Variants in ZRANB3 observed in about 807,000 individuals in gnomAD.
ZRANB3 encodes the protein zinc finger RANBP2-type containing 3.
In ZRANB3, 125 loss-of-function variants were observed where a neutral mutation model predicts 133.8. That is an observed-to-expected ratio of 0.93 (90% confidence interval 0.81 to 1.08). The LOEUF is 1.08. ZRANB3 is among the 50% of genes least tolerant of loss of function. The pLI, the probability that ZRANB3 is intolerant of heterozygous loss-of-function variation, is 0.00. For synonymous variants in ZRANB3, 387 were observed against 432.7 expected, an observed-to-expected ratio of 0.89 and a Z score of 1.31; for missense variants, 1,229 against 1,275.5, an observed-to-expected ratio of 0.96 and a Z score of 0.56.
intron 3 of ZRANB3, among the ~76,000 whole-genome samples, chr2:135,382,625 G>A (rs1023396681): frequency 2.0e-5 from 3 of 152,346 alleles, no homozygotes; most frequent in Middle Eastern, 3.4e-3. Flanking sequence ...AAGCCCATCA[G>A]ACTAACGGCG....
chr2:135,386,083 A>T (rs918608687), intron 3 of ZRANB3, among the ~76,000 whole-genome samples: 1 of 152,218 alleles, frequency 6.6e-6, no homozygotes, highest in Non-Finnish European at 1.5e-5. Context: ...AAATTCTTGC[A>T]ATCTACCCAT....
chr2:135,320,109 T>C (rs1048623623), intron 6 of ZRANB3, among the ~76,000 whole-genome samples: 8 of 152,076 alleles, frequency 5.3e-5, no homozygotes, highest in Non-Finnish European at 1.5e-5. Context: ...GGCACAACCA[T>C]AGTGCACTGC....
intron 2 of ZRANB3, among the ~76,000 whole-genome samples, chr2:135,417,207 T>C (rs1188988066): frequency 1.2e-3 from 175 of 152,136 alleles, no homozygotes; most frequent in African/African-American, 3.7e-3. Flanking sequence ...TTGCAATCTA[T>C]TCATCTGACA....
At chr2:135,404,386 A>C (rs949269761) in intron 2 of ZRANB3, among the ~76,000 whole-genome samples, 14 of 152,198 alleles carry the variant, frequency 9.2e-5, no homozygotes, top group Non-Finnish European at 1.5e-4. Flanking sequence ...TGAAGCGAGA[A>C]GAGAAGTTTA....
At position 135,489,168 on chromosome 2, in the gene ZRANB3, A is replaced by C. The variant is rs550778445; in HGVS notation, c.161+15161T>G. ...AAATAAAATGAAGGAAAGAAAAAGG[A>C]AAATCAAATGGAAACACATAAGAAA... is the stretch of plus-strand genomic sequence containing the variant. On this transcript the variant is annotated intron_variant, in intron 2 of 20. Transcript: ENST00000264159. 8.2e-4 allele frequency among the ~76,000 whole-genome samples: 124 copies of C among 152,074 alleles called. 1 individual carries two copies. The highest frequency in any genetic ancestry group is 2.7e-3 in the African/African-American group (110 of 41,508).
intron 8 of ZRANB3, among the ~76,000 whole-genome samples, chr2:135,302,052 T>A (rs1682460001): frequency 6.6e-6 from 1 of 152,210 alleles, no homozygotes; most frequent in African/African-American, 2.4e-5. Flanking sequence ...TACAAACTGG[T>A]TTGGGAGAAC....
intron 1 of ZRANB3, among the ~76,000 whole-genome samples, chr2:135,523,640 G>A (rs1006293811): frequency 1.3e-5 from 2 of 152,160 alleles, no homozygotes; most frequent in African/African-American, 4.8e-5. Flanking sequence ...CTCTAAGGTA[G>A]GTATTCTCAT....
At chr2:135,216,143 C>T (rs770693875) in intron 17 of ZRANB3, among the ~76,000 whole-genome samples, 3 of 151,180 alleles carry the variant, frequency 2.0e-5, no homozygotes, top group Non-Finnish European at 4.4e-5. Context: ...AAGTATTATT[C>T]CTTGTTCTTA....
At chr2:135,388,623 G>GTA (rs1360428319) in intron 3 of ZRANB3, among the ~76,000 whole-genome samples, 2 of 152,060 alleles carry the variant, frequency 1.3e-5, no homozygotes, top group Non-Finnish European at 2.9e-5. Flanking sequence ...TTCTATACAT[G>GTA]TATATATATA....
At chr2:135,279,359 T>C (rs1680990802) in intron 8 of ZRANB3, among the ~76,000 whole-genome samples, 1 of 152,208 alleles carries the variant, frequency 6.6e-6, no homozygotes, top group South Asian at 2.1e-4. Context: ...TAGGGGCTGT[T>C]AAGAACTTTA....
chr2:135,317,105 T>C (rs1315311675), intron 6 of ZRANB3, among the ~76,000 whole-genome samples: 1 of 151,808 alleles, frequency 6.6e-6, no homozygotes, highest in Non-Finnish European at 1.5e-5. Flanking sequence ...AGAAATTTAC[T>C]TGTTTAAAAA....
At chr2:135,501,966 A>C (rs928393575) in intron 2 of ZRANB3, among the ~76,000 whole-genome samples, 1 of 152,198 alleles carries the variant, frequency 6.6e-6, no homozygotes, top group South Asian at 2.1e-4. Context: ...GGTATTATCA[A>C]TGACAATTAT....
chr2:135,343,480 A>T (rs139023054), intron 6 of ZRANB3, among the ~76,000 whole-genome samples: 1 of 149,628 alleles, frequency 6.7e-6, no homozygotes, highest in East Asian at 1.9e-4. Flanking sequence ...TTTGGTATTA[A>T]GTGTTAGACT....
In ZRANB3 at chr2:135,397,458, AAAAG is replaced by A. The variant is rs1027814121; in HGVS notation, c.162-6642_162-6639del. 2.2e-4 allele frequency among the ~76,000 whole-genome samples: 33 copies of A among 150,224 alleles called. 1 individual carries two copies. In the South Asian group the frequency reaches 3.4e-3, roughly 15 times the overall value. ...GCCAGACCCTGACTCAAAAAAAAAA[AAAAG>A]AAAAGAAAAGAAAAGAAAAACCTTT... is the stretch of plus-strand genomic sequence containing the variant. On this transcript the variant is annotated intron_variant, in intron 2 of 20. Coordinates refer to ENST00000264159, the MANE Select transcript of ZRANB3 (RefSeq NM_032143.4).
At chr2:135,392,047 G>C (rs138646366) in intron 2 of ZRANB3, among the ~76,000 whole-genome samples, 2 of 152,260 alleles carry the variant, frequency 1.3e-5, no homozygotes, top group East Asian at 3.9e-4. Context: ...GCATGGTCAG[G>C]ATCATCGGGT....
At position 135,217,543 on chromosome 2, in the gene ZRANB3, C is replaced by T; in HGVS notation, c.2417G>A (p.Ser806Asn). The T allele has an allele frequency of 6.2e-7, 1 of 1,613,842 alleles. No individual in the cohort carries two copies. The highest frequency in any genetic ancestry group is 8.5e-7 in the Non-Finnish European group (1 of 1,179,848). ...AATTGGGCTACAGAATAGCTGTCCA[C>T]TTTTCCTGATTATCCTTTGCTTCAT... The part of the protein sequence containing the change: ...TAMKQRIIRK[S>N]GQLFCSPILA... Residue 806 changes from serine to asparagine, a missense_variant, in exon 17 of 21, where the codon AGT becomes AAT. Coordinates refer to ENST00000264159, the MANE Select transcript of ZRANB3 (RefSeq NM_032143.4).
At chr2:135,234,514 T>G (rs894089150) in intron 12 of ZRANB3, among the ~76,000 whole-genome samples, 1 of 151,798 alleles carries the variant, frequency 6.6e-6, no homozygotes, top group African/African-American at 2.4e-5. Context: ...CCACACCTAT[T>G]CCAAAATTGA....
At chr2:135,445,250 C>T (rs72986423) in intron 2 of ZRANB3, among the ~76,000 whole-genome samples, 10,490 of 151,868 alleles carry the variant, frequency 0.069, 758 homozygotes, top group African/African-American at 0.19. Context: ...TAGACATCAG[C>T]CTGGCCAACA....
At chr2:135,455,389 C>T (rs904122731) in intron 2 of ZRANB3, among the ~76,000 whole-genome samples, 16 of 150,762 alleles carry the variant, frequency 1.1e-4, no homozygotes, top group African/African-American at 1.5e-4. Flanking sequence ...GGTTTCGCCA[C>T]GTTGGCCAGG....
Sources: gnomAD v4.1 joint callset for allele counts (sites outside exome capture counted in the v4.1 genomes callset) on GRCh38, gnomAD v4.1.1 for gene constraint, MANE v1.5 for transcripts, NCBI Gene and HGNC (gene_info 2026-07-23, HGNC 2026-07-21) for gene names.